Variants in MAML2 observed in about 807,000 individuals in gnomAD.
MAML2 encodes the protein mastermind like transcriptional coactivator 2, also known as mastermind-like protein 2.
MAML2 carries 22 observed loss-of-function variants against 96.1 expected under a neutral mutation model. That is an observed-to-expected ratio of 0.23 (90% CI 0.16 to 0.33). The LOEUF is 0.33. MAML2 is among the 10% of genes least tolerant of loss of function. The probability of loss-of-function intolerance (pLI) is 1.00; values close to 1 mark genes in which losing one functional copy is unlikely to be tolerated. For synonymous variants in MAML2, 561 were observed against 521.3 expected (o/e 1.08, Z -1.04); for missense variants, 1,367 against 1,392.4 (o/e 0.98, Z 0.29).
intron 1 of MAML2, among the ~76,000 whole-genome samples, chr11:96,328,843 A>C (rs1863818802): frequency 6.6e-6 from 1 of 152,170 alleles, no homozygotes; most frequent in African/African-American, 2.4e-5. Context: ...AAAAAGAGGC[A>C]GTGGATTGAA....
chr11:96,196,886 T>TTA (rs1235776316), intron 1 of MAML2, among the ~76,000 whole-genome samples: 2 of 151,666 alleles, frequency 1.3e-5, no homozygotes, highest in Non-Finnish European at 2.9e-5. Context: ...CGGCTTTTTT[T>TTA]TTTTTTTTTC....
rs376947323 is a variant in MAML2, at chr11:95,979,006, C to T, written c.3413G>A (p.Gly1138Asp). ...GATGTCTTTCATCCAGTCATCATTACCAGGCTCTGTCTTCAATAAAGAATC... is the reference window on the plus strand; with the variant it reads ...GATGTCTTTCATCCAGTCATCATTATCAGGCTCTGTCTTCAATAAAGAATC... ...FIDSLLKTEPGNDDWMKDINL... is the reference protein window; with the variant it reads ...FIDSLLKTEPDNDDWMKDINL... The change falls in exon 5 of 5, where the codon GGT becomes GAT. Residue 1138 changes from glycine to aspartate, a missense_variant. Transcript: ENST00000524717. The T allele has an allele frequency of 1.2e-6, 2 of 1,613,752 alleles. No individual in the cohort carries two copies. Among genetic ancestry groups the T allele is most frequent in the African/African-American group, 2.7e-5 (2 of 74,912 alleles).
At chr11:96,332,957 G>T (rs778444653) in intron 1 of MAML2, among the ~76,000 whole-genome samples, 12 of 152,092 alleles carry the variant, frequency 7.9e-5, no homozygotes, top group African/African-American at 2.9e-4. Context: ...ACAGACTCCC[G>T]GTAAGTTATT....
Position 95,977,875 on chromosome 11 carries a change from C to G in MAML2, c.*1073G>C, listed in dbSNP as rs1361605837. On this transcript the variant is annotated 3_prime_UTR_variant, in exon 5 of 5. Transcript: ENST00000524717. ...TTTCCCTCTTGATTATGCGTTCCTT[C>G]AAACTCCGTGAAATACATTTGTACA... The G allele has an allele frequency of 4.4e-6, 1 of 225,526 alleles. No homozygotes were observed. The highest frequency in any genetic ancestry group is 8.8e-6 in the Non-Finnish European group (1 of 113,226). 14.0% of individuals were successfully genotyped at this position (225,526 alleles called of 1,614,324 possible).
intron 2 of MAML2, among the ~76,000 whole-genome samples, chr11:96,041,428 G>A (rs1590976848): frequency 6.6e-6 from 1 of 151,700 alleles, no homozygotes; most frequent in African/African-American, 2.4e-5. Flanking sequence ...TTGAGCCCAG[G>A]AGGTGGAGGT....
chr11:96,287,559 GAC>G (rs1863156930), intron 1 of MAML2, among the ~76,000 whole-genome samples: 1 of 152,136 alleles, frequency 6.6e-6, no homozygotes, highest in Admixed American at 6.5e-5. Context: ...GTATTATAGA[GAC>G]ATCTACTTTT....
chr11:96,235,229 C>G (rs1242292805), intron 1 of MAML2, among the ~76,000 whole-genome samples: 1 of 152,088 alleles, frequency 6.6e-6, no homozygotes, highest in African/African-American at 2.4e-5. Flanking sequence ...CATCAGCAAA[C>G]TATGACTCAA....
intron 2 of MAML2, among the ~76,000 whole-genome samples, chr11:96,049,509 T>A (rs1234115871): frequency 6.6e-6 from 1 of 152,212 alleles, no homozygotes; most frequent in Non-Finnish European, 1.5e-5. Context: ...AGCATCTCCA[T>A]GAAGATATCA....
intron 1 of MAML2, among the ~76,000 whole-genome samples, chr11:96,204,070 G>A (rs1240159144): frequency 6.6e-6 from 1 of 152,138 alleles, no homozygotes; most frequent in Non-Finnish European, 1.5e-5. Context: ...CCCTAGGCCT[G>A]AAGGACTGAG....
At chr11:96,054,678 A>G (rs1859034921) in intron 2 of MAML2, among the ~76,000 whole-genome samples, 1 of 152,198 alleles carries the variant, frequency 6.6e-6, no homozygotes, top group Admixed American at 6.5e-5. Flanking sequence ...ATATAACCAT[A>G]TTAACCCTTC....
intron 1 of MAML2, among the ~76,000 whole-genome samples, chr11:96,106,914 T>C (rs1257148910): frequency 6.6e-6 from 1 of 150,990 alleles, no homozygotes; most frequent in Non-Finnish European, 1.5e-5. Flanking sequence ...AGTGCTTCCT[T>C]ACACATGACC....
intron 1 of MAML2, among the ~76,000 whole-genome samples, chr11:96,253,822 G>A (rs1219501636): frequency 6.6e-6 from 1 of 152,092 alleles, no homozygotes; most frequent in Admixed American, 6.5e-5. Context: ...ACAATTAGAT[G>A]GAAACATCTA....
At chr11:96,040,103 C>G (rs1858784265) in intron 2 of MAML2, among the ~76,000 whole-genome samples, 1 of 152,088 alleles carries the variant, frequency 6.6e-6, no homozygotes, top group South Asian at 2.1e-4. Context: ...CTATTCTATT[C>G]ATGTTTTCCT....
chr11:96,210,790 A>C (rs1861960040), intron 1 of MAML2, among the ~76,000 whole-genome samples: 1 of 152,218 alleles, frequency 6.6e-6, no homozygotes, highest in South Asian at 2.1e-4. Context: ...AGTGTTCAAC[A>C]ATTAACTGCA....
intron 1 of MAML2, among the ~76,000 whole-genome samples, 179 bp from the exon 2 acceptor site, chr11:96,093,696 A>C (rs1026761819): frequency 6.6e-6 from 1 of 152,240 alleles, no homozygotes; most frequent in South Asian, 2.1e-4. Flanking sequence ...TAAAACTCTC[A>C]GTAGCACAAA....
intron 1 of MAML2, among the ~76,000 whole-genome samples, chr11:96,244,777 A>C (rs1862489086): frequency 6.6e-6 from 1 of 152,106 alleles, no homozygotes; most frequent in Non-Finnish European, 1.5e-5. Flanking sequence ...GCAATCACAC[A>C]CTATTCAACC....
intron 2 of MAML2, among the ~76,000 whole-genome samples, chr11:96,073,698 G>A (rs929154652): frequency 6.6e-6 from 1 of 152,156 alleles, no homozygotes; most frequent in African/African-American, 2.4e-5. Flanking sequence ...GATGTGGTTG[G>A]CAGTGCCTTC....
chr11:96,052,075 C>G (rs1858998351), intron 2 of MAML2, among the ~76,000 whole-genome samples: 1 of 152,184 alleles, frequency 6.6e-6, no homozygotes, highest in African/African-American at 2.4e-5. Flanking sequence ...TTCTTTCTTC[C>G]TGTATTGCTT....
chr11:96,138,812 T>C (rs1158067482), intron 1 of MAML2, among the ~76,000 whole-genome samples: 1 of 152,128 alleles, frequency 6.6e-6, no homozygotes, highest in Non-Finnish European at 1.5e-5. Flanking sequence ...CTGACAACTT[T>C]GTATTGTCCT....
Sources: gnomAD v4.1 joint callset for allele counts (sites outside exome capture counted in the v4.1 genomes callset) on GRCh38, gnomAD v4.1.1 for gene constraint, MANE v1.5 for transcripts, NCBI Gene and HGNC (gene_info 2026-07-23, HGNC 2026-07-21) for gene names.